The following KCNMB2 variants were observed in gnomAD, a reference collection of about 807,000 sequenced individuals.
KCNMB2 encodes calcium-activated potassium channel subunit beta-2.
In KCNMB2, 9 loss-of-function variants were observed where a neutral mutation model predicts 24.5. The observed-to-expected ratio is 0.37, with a 90% CI of 0.22 to 0.64. The LOEUF is 0.64. Among genes scored for constraint, KCNMB2 ranks in the 30% least tolerant of loss-of-function variants. The probability of loss-of-function intolerance (pLI) is 0.63; values close to 1 mark genes in which losing one functional copy is unlikely to be tolerated. For missense variants in KCNMB2, 226 were observed against 284.3 expected (o/e 0.79, Z 1.47); for synonymous variants, 109 against 104.4 (o/e 1.04, Z -0.27).
chr3:178,803,944 A>G (rs1713868242), intron 1 of KCNMB2, among the ~76,000 whole-genome samples: 1 of 152,144 alleles, frequency 6.6e-6, no homozygotes, highest in Non-Finnish European at 1.5e-5. Flanking sequence ...CAGGGCTGAG[A>G]TTATATCTTT....
chr3:178,730,951 A>G (rs1723131247), intron 1 of KCNMB2, among the ~76,000 whole-genome samples: 4 of 152,184 alleles, frequency 2.6e-5, no homozygotes, highest in African/African-American at 9.7e-5. Flanking sequence ...CAAATATTTA[A>G]GCATTAACTA....
At chr3:178,801,894 A>C (rs572324053) in intron 1 of KCNMB2, 116 of 152,298 alleles carry the variant, frequency 7.6e-4, no homozygotes, top group African/African-American at 2.7e-3. Context: ...CCTTAGAAGC[A>C]GGTCTGAATG....
At chr3:178,543,107 T>G (rs980491282) in intron 1 of KCNMB2, among the ~76,000 whole-genome samples, 1 of 152,214 alleles carries the variant, frequency 6.6e-6, no homozygotes, top group Non-Finnish European at 1.5e-5. Context: ...AAAGGTCCCC[T>G]TTAGTTTTTA....
intron 1 of KCNMB2, among the ~76,000 whole-genome samples, chr3:178,582,858 C>A (rs181597159): frequency 6.0e-4 from 91 of 152,148 alleles, no homozygotes; most frequent in African/African-American, 2.1e-3. Context: ...AGAGAAAAGG[C>A]CTTGGATTAA....
At chr3:178,556,214 T>C (rs1345568259) in intron 1 of KCNMB2, among the ~76,000 whole-genome samples, 1 of 152,204 alleles carries the variant, frequency 6.6e-6, no homozygotes, top group African/African-American at 2.4e-5. Flanking sequence ...GATGAGGATA[T>C]ATCCTGGTGA....
intron 1 of KCNMB2, among the ~76,000 whole-genome samples, chr3:178,806,350 C>T (rs1307128093): frequency 2.6e-5 from 4 of 152,006 alleles, no homozygotes; most frequent in East Asian, 1.9e-4. Flanking sequence ...TCATGAAATA[C>T]GTATGTGCAT....
chr3:178,832,130 G>A (rs1045870748), intron 4 of KCNMB2, among the ~76,000 whole-genome samples: 2 of 151,682 alleles, frequency 1.3e-5, no homozygotes, highest in African/African-American at 4.8e-5. Context: ...ATCTTTACTA[G>A]TATTTATTTT....
chr3:178,768,898 A>G (rs1712232304), intron 1 of KCNMB2, among the ~76,000 whole-genome samples: 1 of 152,226 alleles, frequency 6.6e-6, no homozygotes, highest in African/African-American at 2.4e-5. Flanking sequence ...TTTTTCCTTT[A>G]GTTTCACATG....
intron 1 of KCNMB2, among the ~76,000 whole-genome samples, chr3:178,745,621 C>T (rs182532201): frequency 1.9e-3 from 284 of 152,260 alleles, no homozygotes; most frequent in Admixed American, 2.4e-3. Context: ...AGTCCAAAGT[C>T]TCATCTGAAA....
chr3:178,573,654 G>A (rs1436405175), intron 1 of KCNMB2, among the ~76,000 whole-genome samples: 1 of 150,664 alleles, frequency 6.6e-6, no homozygotes, highest in Non-Finnish European at 1.5e-5. Context: ...GGCTGAGGTG[G>A]GAGGATTGTT....
At chr3:178,674,559 G>A (rs773624486) in intron 1 of KCNMB2, among the ~76,000 whole-genome samples, 1 of 151,984 alleles carries the variant, frequency 6.6e-6, no homozygotes, top group Non-Finnish European at 1.5e-5. Context: ...CACTACTTCT[G>A]CCACATTAAT....
chr3:178,577,227 G>C (rs55747389), intron 1 of KCNMB2, among the ~76,000 whole-genome samples: 36,740 of 152,098 alleles, frequency 0.24, 5,144 homozygotes, highest in East Asian at 0.41. Flanking sequence ...CAGGCAAACA[G>C]GGTCTGGAGT....
At chr3:178,572,203 A>T (rs1193796453) in intron 1 of KCNMB2, among the ~76,000 whole-genome samples, 1 of 152,220 alleles carries the variant, frequency 6.6e-6, no homozygotes, top group Admixed American at 6.5e-5. Flanking sequence ...GTGAGTGAGT[A>T]TGACAGTTTA....
chr3:178,807,897 A>G (rs1003586079), intron 2 of KCNMB2, among the ~76,000 whole-genome samples: 6 of 151,764 alleles, frequency 4.0e-5, no homozygotes, highest in Non-Finnish European at 8.8e-5. Context: ...AATTTTATTA[A>G]CAACAAAAAA....
intron 1 of KCNMB2, among the ~76,000 whole-genome samples, chr3:178,627,651 A>G (rs1241518539): frequency 6.6e-6 from 1 of 152,124 alleles, no homozygotes; most frequent in Admixed American, 6.5e-5. Flanking sequence ...TGACCATTTG[A>G]TTTAAGGTCA....
chr3:178,812,320 A>T (rs1000517647), intron 2 of KCNMB2, among the ~76,000 whole-genome samples: 3 of 151,362 alleles, frequency 2.0e-5, no homozygotes, highest in Non-Finnish European at 4.4e-5. Flanking sequence ...AGGTGCCATG[A>T]TGGTGTGCTG....
intron 1 of KCNMB2, among the ~76,000 whole-genome samples, chr3:178,791,045 T>C (rs1713301588): frequency 6.6e-6 from 1 of 152,188 alleles, no homozygotes; most frequent in African/African-American, 2.4e-5. Flanking sequence ...AATAAATACC[T>C]AACTGTTCAA....
At chr3:178,663,048 T>C (rs1007626841) in intron 1 of KCNMB2, among the ~76,000 whole-genome samples, 1 of 152,102 alleles carries the variant, frequency 6.6e-6, no homozygotes, top group Non-Finnish European at 1.5e-5. Flanking sequence ...CTCCACGTGG[T>C]GTTGGCTAGG....
At chr3:178,694,596 A>C (rs2108332809) in intron 1 of KCNMB2, among the ~76,000 whole-genome samples, 1 of 152,372 alleles carries the variant, frequency 6.6e-6, no homozygotes, top group African/African-American at 2.4e-5. Context: ...CATTCCAAAT[A>C]GGAGAAATTG....
Sources: gnomAD v4.1 joint callset for allele counts (sites outside exome capture counted in the v4.1 genomes callset) on GRCh38, gnomAD v4.1.1 for gene constraint, MANE v1.5 for transcripts, NCBI Gene and HGNC (gene_info 2026-07-23, HGNC 2026-07-21) for gene names.